The following NCOA2 variants were observed in gnomAD, a reference collection of about 807,000 sequenced individuals.
NCOA2 encodes the protein nuclear receptor coactivator 2.
A neutral mutation model predicts 145.1 loss-of-function variants in NCOA2; 21 were observed. The observed-to-expected ratio is 0.14, with a 90% CI of 0.10 to 0.21. The LOEUF (loss-of-function observed/expected upper bound fraction) is 0.21, where lower values mean the gene tolerates loss of function less well. NCOA2 is among the 10% of genes least tolerant of loss of function. The pLI, the probability that NCOA2 is intolerant of heterozygous loss-of-function variation, is 1.00. For missense variants in NCOA2, 1,472 were observed against 1,837.6 expected (o/e 0.80, Z 3.64); for synonymous variants, 619 against 637.5 (o/e 0.97, Z 0.44).
At chr8:70,430,101 T>A in the NCOA2 span, among the ~76,000 whole-genome samples, 2 of 152,224 alleles carry the variant, frequency 1.3e-5, no homozygotes, top group African/African-American at 4.8e-5. Flanking sequence ...GATCCTCCCA[T>A]CTCGGGTTCC....
At chr8:70,246,259 G>A (rs561409220) in intron 2 of NCOA2, among the ~76,000 whole-genome samples, 2 of 152,170 alleles carry the variant, frequency 1.3e-5, no homozygotes, top group Admixed American at 1.3e-4. Flanking sequence ...TTTATCTTTG[G>A]TTATGGTTTG....
chr8:70,165,772 A>C (rs957273832), intron 7 of NCOA2, among the ~76,000 whole-genome samples: 24 of 152,160 alleles, frequency 1.6e-4, no homozygotes, highest in Admixed American at 1.2e-3. Flanking sequence ...CATGGATTCC[A>C]TTAACCCCTT....
chr8:70,403,096 AC>A (rs1018486413), intron 1 of NCOA2, among the ~76,000 whole-genome samples: 8 of 139,720 alleles, frequency 5.7e-5, no homozygotes, highest in Non-Finnish European at 9.4e-5. Flanking sequence ...ACCTTCACAC[AC>A]CCCCAGCACT....
rs769741597 is a variant in NCOA2 at position 70,155,981 on chromosome 8, G to A, written c.2384C>T (p.Pro795Leu). 1.3e-6 allele frequency: 2 copies of A among 1,571,276 alleles called. No homozygotes were observed. Among genetic ancestry groups the A allele is most frequent in the Admixed American group, 1.9e-5 (1 of 52,776 alleles). ...KTEKEEMSFEPGDQPGSELDN... is the reference protein window; with the variant it reads ...KTEKEEMSFELGDQPGSELDN... ...TGTGATAAAACTTACCTGGTCACCAGGCTCAAAGCTCATCTCCTCCTTCTC... is the reference window on the plus strand; with the variant it reads ...TGTGATAAAACTTACCTGGTCACCAAGCTCAAAGCTCATCTCCTCCTTCTC... The change falls in exon 11 of 23, where the codon CCT becomes CTT. Residue 795 changes from proline to leucine, a missense_variant. This residue lies in a region of NCOA2 where 953 missense variants were observed against 1,062.1 expected (regional missense o/e 0.90). Coordinates refer to ENST00000452400, the MANE Select transcript of NCOA2 (RefSeq NM_006540.4).
chr8:70,204,330 T>C (rs968640975), intron 4 of NCOA2, among the ~76,000 whole-genome samples: 1 of 152,170 alleles, frequency 6.6e-6, no homozygotes, highest in East Asian at 1.9e-4. Context: ...AAATATATTC[T>C]AGTCGACAAG....
At chr8:70,242,294 T>A (rs1822204450) in intron 2 of NCOA2, among the ~76,000 whole-genome samples, 2 of 152,152 alleles carry the variant, frequency 1.3e-5, no homozygotes, top group African/African-American at 4.8e-5. Flanking sequence ...GATTATAGTG[T>A]TTGGTGTTTC....
intron 1 of NCOA2, among the ~76,000 whole-genome samples, chr8:70,373,279 A>T (rs962068719): frequency 2.0e-5 from 3 of 152,144 alleles, no homozygotes; most frequent in Non-Finnish European, 4.4e-5. Context: ...TTTTTCTTAA[A>T]GTTTAGCTAC....
chr8:70,159,726 A>G, intron 9 of NCOA2, 74 bp from the exon 10 acceptor site: 2 of 1,311,152 alleles, frequency 1.5e-6, no homozygotes, highest in East Asian at 4.9e-5. Flanking sequence ...AAGACATAAT[A>G]AGAGTAATCA....
chr8:70,266,584 T>C (rs1824615291), intron 2 of NCOA2, among the ~76,000 whole-genome samples: 3 of 152,178 alleles, frequency 2.0e-5, no homozygotes, highest in Admixed American at 2.0e-4. Context: ...ACCTCTTCTT[T>C]GGTCATCCTG....
At chr8:70,410,039 G>A in the NCOA2 span, among the ~76,000 whole-genome samples, 18 of 152,048 alleles carry the variant, frequency 1.2e-4, no homozygotes, top group African/African-American at 3.9e-4. Context: ...ATGAAATCCC[G>A]TCTCTACTAA....
At chr8:70,145,296 T>C (rs1810912189) in intron 12 of NCOA2, among the ~76,000 whole-genome samples, 1 of 150,496 alleles carries the variant, frequency 6.6e-6, no homozygotes, top group South Asian at 2.1e-4. Context: ...TAGCTGGGAT[T>C]ATAGGCGTGC....
At chr8:70,229,754 C>T (rs565040466) in intron 2 of NCOA2, among the ~76,000 whole-genome samples, 1 of 152,294 alleles carries the variant, frequency 6.6e-6, no homozygotes, top group Admixed American at 6.5e-5. Context: ...CACTCTCTGG[C>T]TCTGACCAGA....
At chr8:70,220,969 A>C (rs1046222235) in intron 2 of NCOA2, among the ~76,000 whole-genome samples, 1 of 152,208 alleles carries the variant, frequency 6.6e-6, no homozygotes, top group African/African-American at 2.4e-5. Flanking sequence ...ATGTTCTTAA[A>C]GTTAGGCCTT....
the NCOA2 span, among the ~76,000 whole-genome samples, chr8:70,441,157 C>G: frequency 1.4e-5 from 2 of 147,034 alleles, no homozygotes; most frequent in Non-Finnish European, 3.0e-5. Flanking sequence ...GAAAGACTCT[C>G]AGGTCTACAG....
intron 4 of NCOA2, among the ~76,000 whole-genome samples, chr8:70,179,463 T>C (rs1185014376): frequency 6.6e-6 from 1 of 152,136 alleles, no homozygotes; most frequent in Non-Finnish European, 1.5e-5. Context: ...AAGGACTCTT[T>C]AGAGAGATAC....
chr8:70,335,155 A>AAAAAAAAAT (rs774576238), intron 1 of NCOA2, among the ~76,000 whole-genome samples: 8 of 115,384 alleles, frequency 6.9e-5, no homozygotes, highest in South Asian at 3.1e-4. Flanking sequence ...AAAAAAAAAG[A>AAAAAAAAAT]TCTCTCCCTA....
intron 1 of NCOA2, among the ~76,000 whole-genome samples, chr8:70,331,612 A>C (rs1413214742): frequency 1.3e-5 from 2 of 152,156 alleles, no homozygotes; most frequent in Non-Finnish European, 2.9e-5. Flanking sequence ...TTTTAGATCT[A>C]CATTTTTTTT....
At chr8:70,207,383 A>G (rs1402703791) in intron 4 of NCOA2, among the ~76,000 whole-genome samples, 2 of 152,088 alleles carry the variant, frequency 1.3e-5, no homozygotes, top group Admixed American at 6.5e-5. Context: ...GAAAGCTGTT[A>G]AACAAAAAAC....
intron 14 of NCOA2, among the ~76,000 whole-genome samples, chr8:70,140,919 CATT>C (rs1322597032): frequency 3.3e-5 from 5 of 151,938 alleles, no homozygotes; most frequent in Non-Finnish European, 4.4e-5. Context: ...AATAGTGTGA[CATT>C]ATAATTCATT....
Sources: gnomAD v4.1 joint callset for allele counts (sites outside exome capture counted in the v4.1 genomes callset) on GRCh38, gnomAD v4.1.1 for gene constraint, gnomAD v4.1.1 regional missense constraint, MANE v1.5 for transcripts, NCBI Gene and HGNC (gene_info 2026-07-23, HGNC 2026-07-21) for gene names.